Variants in ZNF251 observed in about 807,000 individuals in gnomAD.
The protein encoded by ZNF251 is zinc finger protein 251.
ZNF251 carries 14 observed loss-of-function variants against 13.5 expected under a neutral mutation model. The ratio of observed to expected loss-of-function variants is 1.04; its 90% CI spans 0.69 to 1.63. The LOEUF (loss-of-function observed/expected upper bound fraction) is 1.63, where lower values mean the gene tolerates loss of function less well. ZNF251 is among the 40% of genes most tolerant of loss of function. The probability of loss-of-function intolerance (pLI) is 0.00; values close to 1 mark genes in which losing one functional copy is unlikely to be tolerated. For synonymous variants in ZNF251, 287 were observed against 295.2 expected (o/e 0.97, Z 0.28); for missense variants, 764 against 834.9 (o/e 0.92, Z 1.05).
At chr8:144,749,870 C>CTTTTCTTTT (rs1231578924) in intron 4 of ZNF251, among the ~76,000 whole-genome samples, 1 of 134,584 alleles carries the variant, frequency 7.4e-6, no homozygotes, top group South Asian at 2.2e-4. Flanking sequence ...ATTTCTTTTT[C>CTTTTCTTTT]TTTTCTTTTT....
In ZNF251 at chr8:144,754,402, CCCACTACCCA is replaced by C. The variant is rs1016334611; in HGVS notation, c.34-91_34-82del. ...TAAAAGGGCCCTGACCTGGTGGGGC[CCCACTACCCA>C]GGGCCCTGCTGTGGTCAGTATGAAC... On this transcript the variant is annotated intron_variant, in intron 2 of 4. Coordinates refer to ENST00000292562, the MANE Select transcript of ZNF251 (RefSeq NM_138367.2). The C allele has an allele frequency of 7.4e-6, 11 of 1,480,022 alleles. No individual in the cohort carries two copies. The African/African-American group carries it at 1.6e-4, about 21-fold the overall frequency. The allele number at this position is 1,480,022 out of a possible 1,614,324, so 91.7% of individuals were successfully genotyped here. A position where few individuals can be genotyped will look rare whatever the true frequency, so the allele number is the denominator to read the frequency against.
At chr8:144,751,200 C>G (rs1355793799) in intron 4 of ZNF251, among the ~76,000 whole-genome samples, 1 of 152,192 alleles carries the variant, frequency 6.6e-6, no homozygotes, top group African/African-American at 2.4e-5. Context: ...TCACACCTCT[C>G]TGATGGAGCT....
rs576180402 is a variant in ZNF251, at chr8:144,754,375, A to C, written c.34-54T>G. On this transcript the variant is annotated intron_variant, in intron 2 of 4. Transcript: ENST00000292562. ...CCATGCCCACGGGGCAGCAGCCTGC[A>C]CTAAAAGGGCCCTGACCTGGTGGGG... The C allele has an allele frequency of 9.7e-5, 148 of 1,520,722 alleles. 1 individual carries two copies. In the African/African-American group the frequency reaches 1.9e-3, roughly 20 times the overall value. 94.2% of individuals were successfully genotyped at this position (1,520,722 alleles called of 1,614,324 possible). A position where few individuals can be genotyped will look rare whatever the true frequency, so the allele number is the denominator to read the frequency against.
At chr8:144,740,416 C>A (rs1025195624) in intron 4 of ZNF251, among the ~76,000 whole-genome samples, 3 of 150,878 alleles carry the variant, frequency 2.0e-5, no homozygotes, top group Non-Finnish European at 4.4e-5. Flanking sequence ...GTGGGTGGAT[C>A]ACCTGAGGTC....
At position 144,753,686 on chromosome 8, in the gene ZNF251, T is replaced by G. The variant is rs377685827; in HGVS notation, c.274A>C (p.Lys92Gln). The stretch of plus-strand genomic sequence containing the variant: ...TTAGCATCCCATCCATTCTCACCTT[T>G]CTGGCAGCTTTTCAAGATATCTGGT... ...EEPDILKSCQKDSEVGTKKEL... is the reference protein window; with the variant it reads ...EEPDILKSCQQDSEVGTKKEL... Residue 92 changes from lysine (K) to glutamine (Q), a missense_variant, in exon 4 of 5, where the codon AAA becomes CAA. By Grantham distance (53) the Lys-to-Gln change is moderately conservative. Transcript: ENST00000292562. 6.4e-7 allele frequency: 1 copy of G among 1,572,452 alleles called. No individual in the cohort carries two copies. The highest frequency in any genetic ancestry group is 8.6e-7 in the Non-Finnish European group (1 of 1,157,956).
At chr8:144,726,794 C>T (rs1289522232) in intron 4 of ZNF251, among the ~76,000 whole-genome samples, 13 of 151,984 alleles carry the variant, frequency 8.6e-5, no homozygotes, top group South Asian at 2.1e-4. Flanking sequence ...GGCGTGAACC[C>T]GGGAGGCGGA....
In ZNF251 at chr8:144,729,359, TAG is replaced by T. The variant is rs1245696902; in HGVS notation, c.278-5979_278-5978del. On this transcript the variant is annotated intron_variant, in intron 4 of 4. Coordinates refer to ENST00000292562, the MANE Select transcript of ZNF251 (RefSeq NM_138367.2). Reference sequence around the variant, plus strand: ...TATTTTTTTTTTTTTTTTTGTGAGATAGAGTCTTGCTCTGTCGCCCAGGCTGG... The same window carrying T: ...TATTTTTTTTTTTTTTTTTGTGAGATAGTCTTGCTCTGTCGCCCAGGCTGG... 5.4e-5 allele frequency among the ~76,000 whole-genome samples: 8 copies of T among 147,920 alleles called. No individual in the cohort carries two copies. The East Asian group carries it at 1.0e-3, about 19-fold the overall frequency.
chr8:144,749,707 A>G (rs1433113268), intron 4 of ZNF251, among the ~76,000 whole-genome samples: 1 of 151,994 alleles, frequency 6.6e-6, no homozygotes. Context: ...AACTTTTTAA[A>G]TTGGTTTGCA....
chr8:144,725,860 T>C (rs1473650435), intron 4 of ZNF251, among the ~76,000 whole-genome samples: 1 of 152,146 alleles, frequency 6.6e-6, no homozygotes. Context: ...CTGTCATATA[T>C]GTAACAAGGA....
At chr8:144,754,359 C>T in intron 2 of ZNF251, 38 bp from the exon 3 acceptor site, 3 of 1,552,626 alleles carry the variant, frequency 1.9e-6, no homozygotes, top group African/African-American at 1.4e-5. Flanking sequence ...GCCATGCCCA[C>T]GGGGCAGCAG....
chr8:144,753,864 A>G, intron 3 of ZNF251, 68 bp from the exon 4 acceptor site: 4 of 1,253,792 alleles, frequency 3.2e-6, no homozygotes, highest in Non-Finnish European at 4.5e-6. Context: ...GTGTGGAGAG[A>G]TGGGCCCTGT....
At position 144,737,812 on chromosome 8, in the gene ZNF251, T is replaced by A. The variant is rs183837525; in HGVS notation, c.278-14430A>T. 5.6e-3 allele frequency among the ~76,000 whole-genome samples: 656 copies of A among 117,080 alleles called. 3 individuals carry two copies. Among genetic ancestry groups the A allele is most frequent in the Middle Eastern group, 0.038 (5 of 130 alleles). The allele number at this position is 117,080 out of a possible 152,430, so 76.8% of individuals were successfully genotyped here. A position where few individuals can be genotyped will look rare whatever the true frequency, so the allele number is the denominator to read the frequency against. ...GAGATCGCACCACTGCACTCCAGCC[T>A]GGGCAACAGAGCGAGACTCTGTCTC... On this transcript the variant is annotated intron_variant, in intron 4 of 4. Coordinates refer to ENST00000292562, the MANE Select transcript of ZNF251 (RefSeq NM_138367.2).
At chr8:144,732,656 C>CA (rs779946474) in intron 4 of ZNF251, among the ~76,000 whole-genome samples, 20 of 151,816 alleles carry the variant, frequency 1.3e-4, no homozygotes, top group Middle Eastern at 3.4e-3. Flanking sequence ...ACTAAAAATA[C>CA]AAAAAATTAG....
Position 144,723,963 on chromosome 8 carries a change from G to A in ZNF251, c.278-581C>T, listed in dbSNP as rs914038370. Among the ~76,000 whole-genome samples, 2 of 152,168 alleles carry A rather than the reference G, an allele frequency of 1.3e-5. 1 individual carries two copies. Among genetic ancestry groups the A allele is most frequent in the Admixed American group, 1.3e-4 (2 of 15,280 alleles). On this transcript the variant is annotated intron_variant, in intron 4 of 4. Transcript: ENST00000292562. ...CCTGATGTAAAGAATCTGGGCCAGG[G>A]CCAGGCGCGGTGGCTCACGCCCGTA...
chr8:144,747,089 T>C (rs1197009090), intron 4 of ZNF251, among the ~76,000 whole-genome samples: 1 of 152,246 alleles, frequency 6.6e-6, no homozygotes, highest in African/African-American at 2.4e-5. Context: ...TTCTAATACA[T>C]GCAGTCAATG....
Position 144,754,748 on chromosome 8 carries a change from G to A in ZNF251, c.-20C>T. 6.2e-7 allele frequency: 1 copy of A among 1,611,486 alleles called. No homozygotes were observed. Among genetic ancestry groups the A allele is most frequent in the Non-Finnish European group, 8.5e-7 (1 of 1,178,876 alleles). ...TGCCATTCTGTGTGCATGGGCTGCT[G>A]TGGTTTCCAAGAGAAGACAGGAGAC... On this transcript the variant is annotated 5_prime_UTR_variant, in exon 2 of 5. Coordinates refer to ENST00000292562, the MANE Select transcript of ZNF251 (RefSeq NM_138367.2).
At chr8:144,725,030 T>G (rs1823478692) in intron 4 of ZNF251, among the ~76,000 whole-genome samples, 1 of 152,060 alleles carries the variant, frequency 6.6e-6, no homozygotes, top group African/African-American at 2.4e-5. Flanking sequence ...TTTTTTTCTT[T>G]GAGACAGAGT....
intron 4 of ZNF251, among the ~76,000 whole-genome samples, chr8:144,751,197 T>C (rs2130094113): frequency 6.6e-6 from 1 of 152,342 alleles, no homozygotes; most frequent in East Asian, 1.9e-4. Flanking sequence ...ACCTCACACC[T>C]CTCTGATGGA....
chr8:144,723,559 T>A (rs1823432765), intron 4 of ZNF251, among the ~76,000 whole-genome samples, 177 bp from the exon 5 acceptor site: 1 of 152,194 alleles, frequency 6.6e-6, no homozygotes, highest in Admixed American at 6.5e-5. Context: ...AGGATAAAAA[T>A]ATTCAAGTTC....
Sources: gnomAD v4.1 joint callset for allele counts (sites outside exome capture counted in the v4.1 genomes callset) on GRCh38, gnomAD v4.1.1 for gene constraint, MANE v1.5 for transcripts, NCBI Gene and HGNC (gene_info 2026-07-23, HGNC 2026-07-21) for gene names.